CNOT4: variants seen among roughly 807,000 people sequenced by gnomAD.
The protein encoded by CNOT4 is CCR4-NOT transcription complex subunit 4, also known as CCR4-associated factor 4.
In CNOT4, 8 loss-of-function variants were observed where a neutral mutation model predicts 73.8. The ratio of observed to expected loss-of-function variants is 0.11; its 90% CI spans 0.06 to 0.20. The LOEUF is 0.20. CNOT4 is among the 10% of genes least tolerant of loss of function. The probability of loss-of-function intolerance (pLI) is 1.00; values close to 1 mark genes in which losing one functional copy is unlikely to be tolerated. For synonymous variants in CNOT4, 293 were observed against 321.1 expected (o/e 0.91, Z 0.94); for missense variants, 564 against 883.4 (o/e 0.64, Z 4.58).
chr7:135,408,019 G>A (rs763474342), intron 7 of CNOT4, among the ~76,000 whole-genome samples: 1 of 152,020 alleles, frequency 6.6e-6, no homozygotes, highest in African/African-American at 2.4e-5. Flanking sequence ...TCAAATACAA[G>A]TTAAAATGAG....
chr7:135,464,851 T>C (rs993110344), intron 1 of CNOT4, among the ~76,000 whole-genome samples: 1 of 152,134 alleles, frequency 6.6e-6, no homozygotes, highest in African/African-American at 2.4e-5. Context: ...AATGTTTTGA[T>C]ATTTACTGTT....
intron 7 of CNOT4, among the ~76,000 whole-genome samples, chr7:135,399,967 G>T (rs1368399816): frequency 6.6e-6 from 1 of 152,032 alleles, no homozygotes; most frequent in Non-Finnish European, 1.5e-5. Context: ...GCTATCAAAT[G>T]AATTGTTTAA....
rs34100799 is a variant in CNOT4 at position 135,504,462 on chromosome 7, ATTT to A, written c.-93+5424_-93+5426del. 1.4e-3 allele frequency among the ~76,000 whole-genome samples: 81 copies of A among 55,904 alleles called. 4 individuals carry two copies. The highest frequency in any genetic ancestry group is 2.7e-3 in the African/African-American group (29 of 10,676). The allele number at this position is 55,904 out of a possible 152,430, so 36.7% of individuals were successfully genotyped here. A position where few individuals can be genotyped will look rare whatever the true frequency, so the allele number is the denominator to read the frequency against. Reference sequence around the variant, plus strand: ...AGGCACGTGCCACCACATCCGGCTAATTTTTTTTTTTTTTTTTTTTTTTTTTTA... The same window carrying A: ...AGGCACGTGCCACCACATCCGGCTAATTTTTTTTTTTTTTTTTTTTTTTTA... On this transcript the variant is annotated intron_variant, in intron 1 of 11. Coordinates refer to ENST00000541284, the MANE Select transcript of CNOT4 (RefSeq NM_001190850.2).
intron 7 of CNOT4, among the ~76,000 whole-genome samples, chr7:135,403,894 A>C (rs778264462): frequency 2.6e-4 from 39 of 152,200 alleles, no homozygotes; most frequent in African/African-American, 8.9e-4. Flanking sequence ...AATACACTTA[A>C]TGTTTTTAAA....
chr7:135,465,246 TA>T lies in CNOT4; in HGVS notation c.-92-26824del, dbSNP rs966054703. Among the ~76,000 whole-genome samples, 86 of 152,344 alleles carry T rather than the reference TA, an allele frequency of 5.6e-4. 1 individual carries two copies. The highest frequency in any genetic ancestry group is 1.7e-3 in the African/African-American group (72 of 41,594). ...CAAGCACACACCCATTTTAATGGAA[TA>T]TTTTTTTCTATTACTGTTAGATTGG... is the stretch of plus-strand genomic sequence containing the variant. On this transcript the variant is annotated intron_variant, in intron 1 of 11. Transcript: ENST00000541284.
intron 1 of CNOT4, among the ~76,000 whole-genome samples, chr7:135,481,731 T>C (rs1448107633): frequency 7.2e-5 from 11 of 152,196 alleles, no homozygotes. Context: ...AAATGTAGTA[T>C]ATATACACAA....
chr7:135,426,619 G>A (rs200643761), intron 2 of CNOT4, among the ~76,000 whole-genome samples: 2,794 of 137,010 alleles, frequency 0.02, 103 homozygotes, highest in African/African-American at 0.071. Flanking sequence ...AAAAAAAAAA[G>A]AAAGAAAGAA....
At chr7:135,427,993 G>A (rs12540773) in intron 2 of CNOT4, among the ~76,000 whole-genome samples, 33,163 of 152,020 alleles carry the variant, frequency 0.22, 4,189 homozygotes, top group East Asian at 0.52. Context: ...ACCTCCAAAC[G>A]GTGGGCTCAG....
chr7:135,462,518 A>G (rs1452082460), intron 1 of CNOT4, among the ~76,000 whole-genome samples: 1 of 152,214 alleles, frequency 6.6e-6, no homozygotes, highest in Non-Finnish European at 1.5e-5. Flanking sequence ...TATCAACCGC[A>G]TGTCACAAAG....
At chr7:135,408,081 T>C (rs1328263534) in intron 7 of CNOT4, among the ~76,000 whole-genome samples, 1 of 152,056 alleles carries the variant, frequency 6.6e-6, no homozygotes, top group African/African-American at 2.4e-5. Flanking sequence ...CAAAAAAAAA[T>C]ACCCAATTCA....
chr7:135,451,790 A>G (rs1392112906), intron 1 of CNOT4, among the ~76,000 whole-genome samples: 1 of 152,356 alleles, frequency 6.6e-6, no homozygotes, highest in East Asian at 1.9e-4. Flanking sequence ...TATTTCTTCT[A>G]TAATAGCAAT....
rs993683552 is a variant in CNOT4, at chr7:135,398,090, T to G, written c.879+79A>C. ...TTTAAATTGTGTCAGTAAAGTATTTTTAGAAAATTCACCTGCATGGAATAC... is the reference window on the plus strand; with the variant it reads ...TTTAAATTGTGTCAGTAAAGTATTTGTAGAAAATTCACCTGCATGGAATAC... On this transcript the variant is annotated intron_variant, in intron 8 of 11. Coordinates refer to ENST00000541284, the MANE Select transcript of CNOT4 (RefSeq NM_001190850.2). 8.9e-6 allele frequency: 7 copies of G among 786,040 alleles called. No individual in the cohort carries two copies. The African/African-American group carries it at 1.0e-4, about 12-fold the overall frequency. 48.7% of individuals were successfully genotyped at this position (786,040 alleles called of 1,614,324 possible).
At chr7:135,430,951 T>A (rs1011298029) in intron 2 of CNOT4, among the ~76,000 whole-genome samples, 1 of 152,172 alleles carries the variant, frequency 6.6e-6, no homozygotes, top group Non-Finnish European at 1.5e-5. Flanking sequence ...CCCAGTAGAA[T>A]TAAGGCAAGA....
At chr7:135,405,715 G>A (rs1395333957) in intron 7 of CNOT4, among the ~76,000 whole-genome samples, 1 of 152,156 alleles carries the variant, frequency 6.6e-6, no homozygotes, top group Non-Finnish European at 1.5e-5. Context: ...TGAAATAAGA[G>A]TAAAATATAT....
At chr7:135,423,111 AG>A (rs2129484572) in intron 2 of CNOT4, among the ~76,000 whole-genome samples, 1 of 152,334 alleles carries the variant, frequency 6.6e-6, no homozygotes, top group African/African-American at 2.4e-5. Flanking sequence ...CCTACATATA[AG>A]TATTCAAAAG....
At chr7:135,367,861 AAAC>A (rs1449274580) in intron 10 of CNOT4, among the ~76,000 whole-genome samples, 1 of 152,238 alleles carries the variant, frequency 6.6e-6, no homozygotes, top group Non-Finnish European at 1.5e-5. Flanking sequence ...TTTATATTAA[AAAC>A]AATACTAATT....
intron 10 of CNOT4, among the ~76,000 whole-genome samples, chr7:135,375,507 TAG>T (rs1795465993): frequency 6.6e-6 from 1 of 152,212 alleles, no homozygotes; most frequent in African/African-American, 2.4e-5. Flanking sequence ...AAGTAGGTAT[TAG>T]AGAGACTTTC....
chr7:135,452,040 G>C (rs896127304), intron 1 of CNOT4, among the ~76,000 whole-genome samples: 35 of 152,110 alleles, frequency 2.3e-4, no homozygotes, highest in Non-Finnish European at 2.9e-5. Flanking sequence ...CTGATGCTAG[G>C]AGTTCAAGAC....
chr7:135,429,086 TC>T (rs1554433715), intron 2 of CNOT4, among the ~76,000 whole-genome samples: 2 of 152,144 alleles, frequency 1.3e-5, no homozygotes, highest in Non-Finnish European at 2.9e-5. Context: ...GAAGGGGAAG[TC>T]TCTCCATTAT....
Sources: gnomAD v4.1 joint callset for allele counts (sites outside exome capture counted in the v4.1 genomes callset) on GRCh38, gnomAD v4.1.1 for gene constraint, MANE v1.5 for transcripts, NCBI Gene and HGNC (gene_info 2026-07-23, HGNC 2026-07-21) for gene names.